SCAMP1: variants seen among roughly 807,000 people sequenced by gnomAD.
SCAMP1 encodes the protein secretory carrier-associated membrane protein 1.
In SCAMP1, 15 loss-of-function variants were observed where a neutral mutation model predicts 41.8. The observed-to-expected ratio is 0.36, with a 90% CI of 0.24 to 0.55. SCAMP1 has a LOEUF of 0.55. Ranked by LOEUF, SCAMP1 falls within the 20% of genes least tolerant of loss-of-function variation. The pLI is 0.86. For synonymous variants in SCAMP1, 135 were observed against 136.8 expected (o/e 0.99, Z 0.09); for missense variants, 341 against 412.6 (o/e 0.83, Z 1.50).
At chr5:78,402,221 G>A (rs12110225) in intron 2 of SCAMP1, among the ~76,000 whole-genome samples, 41,090 of 150,420 alleles carry the variant, frequency 0.27, 5,879 homozygotes, top group East Asian at 0.54. Flanking sequence ...ATTTGTTAAG[G>A]TGTTTTTTAT....
intron 7 of SCAMP1, among the ~76,000 whole-genome samples, chr5:78,456,778 GT>G (rs1294588350): frequency 7.2e-6 from 1 of 139,646 alleles, no homozygotes; most frequent in Non-Finnish European, 1.5e-5. Flanking sequence ...CCTGCAGAGT[GT>G]TTTCCAACTT....
chr5:78,436,836 T>G (rs563236577), intron 6 of SCAMP1, among the ~76,000 whole-genome samples: 2 of 152,218 alleles, frequency 1.3e-5, no homozygotes, highest in Non-Finnish European at 2.9e-5. Context: ...TTTCACGATA[T>G]TGATTCTTCC....
At chr5:78,389,561 G>A (rs373932519) in intron 2 of SCAMP1, among the ~76,000 whole-genome samples, 19 of 152,012 alleles carry the variant, frequency 1.2e-4, no homozygotes, top group African/African-American at 4.6e-4. Context: ...GAGCCGTGGC[G>A]CCTGGCCTCA....
At chr5:78,393,331 C>G (rs540484148) in intron 2 of SCAMP1, among the ~76,000 whole-genome samples, 1 of 152,112 alleles carries the variant, frequency 6.6e-6, no homozygotes, top group East Asian at 1.9e-4. Flanking sequence ...TATACTCTAC[C>G]ACATGTGGCT....
intron 2 of SCAMP1, among the ~76,000 whole-genome samples, chr5:78,412,524 A>G (rs1221807438): frequency 6.6e-6 from 1 of 152,110 alleles, no homozygotes; most frequent in African/African-American, 2.4e-5. Flanking sequence ...TTGAAATGCT[A>G]TCTTGATCAG....
Position 78,435,712 on chromosome 5 carries a change from A to T in SCAMP1, c.632+13752A>T, listed in dbSNP as rs150178157. Among the ~76,000 whole-genome samples the T allele has an allele frequency of 6.7e-3, 1,026 of 152,314 alleles. 8 individuals carry two copies. Among genetic ancestry groups the T allele is most frequent in the African/African-American group, 0.023 (974 of 41,574 alleles). On this transcript the variant is annotated intron_variant, in intron 6 of 8. Transcript: ENST00000621999. ...CGTGTGCTTGTGTCTTTATAGTAGC[A>T]TGATTTGTAATCCTTTGGGTATATA...
rs1751228489 is a variant in SCAMP1, at chr5:78,382,510, C to A, written c.58-6327C>A. On this transcript the variant is annotated intron_variant, in intron 1 of 8. Transcript: ENST00000621999. ...ACTGGTGATTTCTGAGATTTTGGTG[C>A]ACCTGTCACCCGAGCAGTGTACACT... 3.3e-5 allele frequency among the ~76,000 whole-genome samples: 5 copies of A among 152,084 alleles called. No homozygotes were observed. The South Asian group carries it at 1.0e-3, about 32-fold the overall frequency.
chr5:78,441,441 ATAGT>A (rs780920885), intron 6 of SCAMP1, among the ~76,000 whole-genome samples: 40 of 152,328 alleles, frequency 2.6e-4, no homozygotes, highest in Non-Finnish European at 4.7e-4. Context: ...TATGATTAAA[ATAGT>A]TAGGAAATTT....
chr5:78,410,117 CTT>C (rs113666677), intron 2 of SCAMP1, among the ~76,000 whole-genome samples: 54 of 142,498 alleles, frequency 3.8e-4, no homozygotes, highest in South Asian at 2.0e-3. Context: ...AACTCTTTTT[CTT>C]TTTTTTTTTT....
At chr5:78,469,918 A>C (rs28507437) in intron 8 of SCAMP1, among the ~76,000 whole-genome samples, 3,090 of 45,396 alleles carry the variant, frequency 0.068, 28 homozygotes, top group Admixed American at 0.14. Context: ...AAAAACAAAA[A>C]AAAAAAAAAA....
intron 2 of SCAMP1, among the ~76,000 whole-genome samples, chr5:78,400,694 C>G: frequency 1.3e-5 from 2 of 152,238 alleles, no homozygotes; most frequent in Middle Eastern, 6.8e-3. Context: ...TGTATATTAA[C>G]TTTGTGTTGT....
At chr5:78,398,687 G>T (rs192992527) in intron 2 of SCAMP1, among the ~76,000 whole-genome samples, 41 of 151,466 alleles carry the variant, frequency 2.7e-4, no homozygotes, top group African/African-American at 9.9e-4. Flanking sequence ...GGGATTACAG[G>T]TTTGCGCCAC....
intron 1 of SCAMP1, among the ~76,000 whole-genome samples, chr5:78,375,699 GTC>G (rs1751048617): frequency 1.3e-5 from 2 of 152,264 alleles, no homozygotes; most frequent in African/African-American, 4.8e-5. Flanking sequence ...TTCTAATCAT[GTC>G]TCTTGTCATC....
intron 5 of SCAMP1, among the ~76,000 whole-genome samples, chr5:78,420,264 T>G (rs1752310501): frequency 6.6e-6 from 1 of 152,202 alleles, no homozygotes; most frequent in Non-Finnish European, 1.5e-5. Flanking sequence ...TTTCATGAAC[T>G]TTAAAGTGTA....
rs182918635 is a variant in SCAMP1, at chr5:78,401,298, T to C, written c.135+12384T>C. 3.3e-3 allele frequency among the ~76,000 whole-genome samples: 506 copies of C among 152,212 alleles called. 4 individuals are homozygous for C. The highest frequency in any genetic ancestry group is 4.5e-3 in the Non-Finnish European group (309 of 67,970). On this transcript the variant is annotated intron_variant, in intron 2 of 8. Coordinates refer to ENST00000621999, the MANE Select transcript of SCAMP1 (RefSeq NM_004866.6). ...CATCAGAGAATATTGATCTATAGTT[T>C]TTTTGTAGTGTCTTTGGTTTGATAT...
intron 6 of SCAMP1, among the ~76,000 whole-genome samples, chr5:78,436,049 C>G (rs1360745495): frequency 2.0e-5 from 3 of 152,160 alleles, no homozygotes; most frequent in Non-Finnish European, 2.9e-5. Context: ...TGTCCATATC[C>G]TTTGCCCACT....
At chr5:78,415,301 A>G (rs1288982239) in intron 2 of SCAMP1, among the ~76,000 whole-genome samples, 2 of 152,172 alleles carry the variant, frequency 1.3e-5, no homozygotes, top group African/African-American at 2.4e-5. Flanking sequence ...ATATAGTGTT[A>G]TAAGTAGCAG....
intron 6 of SCAMP1, among the ~76,000 whole-genome samples, chr5:78,422,737 A>AT (rs1752368527): frequency 6.6e-6 from 1 of 152,168 alleles, no homozygotes; most frequent in African/African-American, 2.4e-5. Flanking sequence ...TTGTTGGACT[A>AT]TTGCTTTAAG....
intron 6 of SCAMP1, among the ~76,000 whole-genome samples, chr5:78,429,900 T>G (rs975744655): frequency 6.6e-6 from 1 of 151,914 alleles, no homozygotes; most frequent in African/African-American, 2.4e-5. Flanking sequence ...GAATAAAGCT[T>G]CAGCTTTTCT....
Sources: allele counts gnomAD v4.1 joint callset (sites outside exome capture counted in the v4.1 genomes callset), GRCh38; gene constraint gnomAD v4.1.1; transcripts MANE v1.5; gene names NCBI Gene and HGNC (gene_info 2026-07-23, HGNC 2026-07-21).